Variants in DCLK1 observed in about 807,000 individuals in gnomAD.
DCLK1 encodes serine/threonine-protein kinase DCLK1.
Under a neutral mutation model 86.2 loss-of-function variants are expected in DCLK1, and 16 were observed. The observed-to-expected ratio is 0.19, with a 90% CI of 0.13 to 0.28. DCLK1 has a LOEUF of 0.28. DCLK1 is among the 10% of genes least tolerant of loss of function. DCLK1 has a pLI of 1.00. For missense variants in DCLK1, 590 were observed against 940.2 expected (o/e 0.63, Z 4.87); for synonymous variants, 369 against 370.5 (o/e 1.00, Z 0.05).
At chr13:35,970,437 C>T (rs949475523) in intron 3 of DCLK1, among the ~76,000 whole-genome samples, 3 of 152,206 alleles carry the variant, frequency 2.0e-5, no homozygotes, top group Admixed American at 1.3e-4. Flanking sequence ...CCCTCCAAAA[C>T]TCATGTTGAA....
chr13:36,062,243 T>G (rs914887732), intron 3 of DCLK1, among the ~76,000 whole-genome samples: 2 of 152,186 alleles, frequency 1.3e-5, no homozygotes, highest in Non-Finnish European at 2.9e-5. Context: ...TTTTTGAACT[T>G]CACTCATCAA....
At chr13:35,985,915 GATC>G (rs1593793797) in intron 3 of DCLK1, among the ~76,000 whole-genome samples, 1 of 152,124 alleles carries the variant, frequency 6.6e-6, no homozygotes, top group African/African-American at 2.4e-5. Flanking sequence ...CAGCAGTATT[GATC>G]CCCAGATTTA....
intron 3 of DCLK1, among the ~76,000 whole-genome samples, chr13:36,090,968 G>A (rs1884803576): frequency 6.6e-6 from 1 of 152,162 alleles, no homozygotes; most frequent in Non-Finnish European, 1.5e-5. Context: ...TGGTTAAAAT[G>A]CTGGCTGCAT....
At chr13:35,857,292 A>G (rs950615554) in intron 5 of DCLK1, among the ~76,000 whole-genome samples, 2 of 152,090 alleles carry the variant, frequency 1.3e-5, no homozygotes, top group Non-Finnish European at 2.9e-5. Context: ...TAAAAAACAC[A>G]CCCCTGGGTG....
At chr13:35,850,754 G>T in intron 6 of DCLK1, 1 of 1,602,574 alleles carries the variant, frequency 6.2e-7, no homozygotes. Context: ...CAAGTCATCC[G>T]AAGAGAGGGG....
At chr13:36,054,639 C>T (rs926817649) in intron 3 of DCLK1, among the ~76,000 whole-genome samples, 5 of 151,998 alleles carry the variant, frequency 3.3e-5, no homozygotes, top group Non-Finnish European at 4.4e-5. Context: ...AATGGGGATG[C>T]TATTTTAGAT....
chr13:35,942,899 G>A (rs955260887), intron 4 of DCLK1, among the ~76,000 whole-genome samples: 10 of 152,146 alleles, frequency 6.6e-5, no homozygotes, highest in African/African-American at 2.2e-4. Context: ...ATGCTATAAC[G>A]GTAAGTATCT....
At chr13:35,847,590 C>A in intron 6 of DCLK1, 1 of 893,276 alleles carries the variant, frequency 1.1e-6, no homozygotes. Flanking sequence ...ATTAAGAAAT[C>A]TGACTTGCAC....
chr13:36,095,177 T>TG (rs1232384619), intron 3 of DCLK1, among the ~76,000 whole-genome samples: 4 of 133,934 alleles, frequency 3.0e-5, no homozygotes, highest in South Asian at 2.9e-4. Context: ...CTCTTTGTTT[T>TG]TTTTTTTTGT....
intron 4 of DCLK1, among the ~76,000 whole-genome samples, chr13:35,901,554 C>T (rs1321081883): frequency 1.4e-5 from 2 of 140,848 alleles, no homozygotes; most frequent in African/African-American, 5.3e-5. Flanking sequence ...GGTGGCCTTG[C>T]GGGGAGGAAA....
At chr13:36,108,372 C>T (rs976438477) in intron 3 of DCLK1, among the ~76,000 whole-genome samples, 2 of 152,182 alleles carry the variant, frequency 1.3e-5, no homozygotes, top group African/African-American at 4.8e-5. Flanking sequence ...ATTTCCAAAA[C>T]GTTTATTTCC....
chr13:36,002,559 CAAAT>C (rs1437720592), intron 3 of DCLK1, among the ~76,000 whole-genome samples: 1 of 151,992 alleles, frequency 6.6e-6, no homozygotes, highest in Admixed American at 6.6e-5. Context: ...AAGCAATAAA[CAAAT>C]AAGAAAATTG....
chr13:36,038,830 A>ATGTT (rs1882600911), intron 3 of DCLK1, among the ~76,000 whole-genome samples: 2 of 152,172 alleles, frequency 1.3e-5, no homozygotes, highest in Non-Finnish European at 2.9e-5. Context: ...CTGAGGTGTA[A>ATGTT]AGTTAAGAAT....
intron 3 of DCLK1, among the ~76,000 whole-genome samples, chr13:36,012,724 AG>A (rs1243540091): frequency 1.8e-5 from 2 of 108,814 alleles, no homozygotes; most frequent in African/African-American, 7.3e-5. Flanking sequence ...GCTCTTCTCG[AG>A]GAGTATCTTT....
rs141922070 is a variant in DCLK1, at chr13:35,881,001, T to A, written c.824-9661A>T. 5.3e-5 allele frequency among the ~76,000 whole-genome samples: 8 copies of A among 152,322 alleles called. No individual in the cohort carries two copies. In the East Asian group the frequency reaches 1.5e-3, roughly 29 times the overall value. The stretch of plus-strand genomic sequence containing the variant: ...AATACAATGCCCTCTTAGTCTTTAC[T>A]GATGTCTGATCACCTTGAGAGACTG... On this transcript the variant is annotated intron_variant, in intron 4 of 16. Coordinates refer to ENST00000360631, the MANE Select transcript of DCLK1 (RefSeq NM_001330071.2).
chr13:35,944,374 G>A (rs1001704454), intron 4 of DCLK1, among the ~76,000 whole-genome samples: 3 of 152,126 alleles, frequency 2.0e-5, no homozygotes, highest in South Asian at 2.1e-4. Flanking sequence ...TGTACCCACC[G>A]CTGACACCCC....
rs1566541914 is a variant in DCLK1 at position 35,805,689 on chromosome 13, A to G, written c.1944+10T>C. 8 of 1,611,526 alleles carry G rather than the reference A, an allele frequency of 5.0e-6. No homozygotes were observed. Among genetic ancestry groups the G allele is most frequent in the Non-Finnish European group, 6.8e-6 (8 of 1,178,824 alleles). On this transcript the variant is annotated intron_variant, in intron 15 of 16. Transcript: ENST00000360631. ...AGGAGAGAACAAAGGAAATGGTGCG[A>G]GTCACTTACATTAACCCAGGGATGC...
At chr13:35,893,901 C>T (rs115357539) in intron 4 of DCLK1, among the ~76,000 whole-genome samples, 1,852 of 152,152 alleles carry the variant, frequency 0.012, 39 homozygotes, top group African/African-American at 0.042. Context: ...GATGGTGATG[C>T]CAAATCACCA....
chr13:35,977,554 A>T (rs1879410018), intron 3 of DCLK1, among the ~76,000 whole-genome samples: 1 of 152,126 alleles, frequency 6.6e-6, no homozygotes, highest in Non-Finnish European at 1.5e-5. Flanking sequence ...CACATTTAAT[A>T]CTGGTCATCA....
Sources: allele counts gnomAD v4.1 joint callset (sites outside exome capture counted in the v4.1 genomes callset), GRCh38; gene constraint gnomAD v4.1.1; transcripts MANE v1.5; gene names NCBI Gene and HGNC (gene_info 2026-07-23, HGNC 2026-07-21).